The following EIF4E3 variants were observed in gnomAD, a reference collection of about 807,000 sequenced individuals.
EIF4E3 encodes eukaryotic translation initiation factor 4E family member 3.
A neutral mutation model predicts 31.7 loss-of-function variants in EIF4E3; 26 were observed. That is an observed-to-expected ratio of 0.82 (90% CI 0.60 to 1.14). The LOEUF is 1.14. EIF4E3 is among the 50% of genes most tolerant of loss of function. The pLI, the probability that EIF4E3 is intolerant of heterozygous loss-of-function variation, is 0.00. For missense variants in EIF4E3, 304 were observed against 270.9 expected, an observed-to-expected ratio of 1.12 and a Z score of -0.86; for synonymous variants, 128 against 107.7, an observed-to-expected ratio of 1.19 and a Z score of -1.17.
intron 1 of EIF4E3, among the ~76,000 whole-genome samples, chr3:71,720,180 A>G (rs186947369): frequency 6.8e-4 from 104 of 151,856 alleles, no homozygotes; most frequent in African/African-American, 2.4e-3. Flanking sequence ...GTATGTACGT[A>G]CATATGTAAG....
At chr3:71,691,396 C>T (rs2108023945) in intron 5 of EIF4E3, among the ~76,000 whole-genome samples, 1 of 152,270 alleles carries the variant, frequency 6.6e-6, no homozygotes, top group East Asian at 1.9e-4. Context: ...TCCATTCTTC[C>T]CTTCTCTTTC....
At chr3:71,715,653 G>A (rs748640461) in intron 1 of EIF4E3, among the ~76,000 whole-genome samples, 6 of 152,182 alleles carry the variant, frequency 3.9e-5, no homozygotes, top group African/African-American at 7.2e-5. Flanking sequence ...TATACAGCTG[G>A]AGCTGAGAAC....
chr3:71,685,084 G>A (rs996160289), intron 6 of EIF4E3, among the ~76,000 whole-genome samples: 1 of 152,110 alleles, frequency 6.6e-6, no homozygotes, highest in African/African-American at 2.4e-5. Context: ...TGCAGGGGGT[G>A]GGGAGAGGGG....
intron 2 of EIF4E3, among the ~76,000 whole-genome samples, chr3:71,707,301 A>C (rs575082754): frequency 6.6e-6 from 1 of 152,350 alleles, no homozygotes; most frequent in East Asian, 1.9e-4. Context: ...TGTCCAAGCT[A>C]GTAAGTGTCA....
the EIF4E3 span, among the ~76,000 whole-genome samples, chr3:71,669,225 G>C: frequency 4.1e-4 from 61 of 150,300 alleles, no homozygotes; most frequent in African/African-American, 1.5e-3. Flanking sequence ...CACAGGGAGG[G>C]GACTATCACA....
At chr3:71,690,487 G>A (rs570407227) in intron 5 of EIF4E3, among the ~76,000 whole-genome samples, 2 of 152,234 alleles carry the variant, frequency 1.3e-5, no homozygotes, top group Non-Finnish European at 1.5e-5. Flanking sequence ...GTTTTGATGA[G>A]ACTTTTTCTA....
At chr3:71,722,676 T>C (rs1037652913) in intron 1 of EIF4E3, among the ~76,000 whole-genome samples, 10 of 152,232 alleles carry the variant, frequency 6.6e-5, no homozygotes, top group Non-Finnish European at 1.5e-4. Context: ...CTAATAACTT[T>C]ACAGAGGAGT....
intron 2 of EIF4E3, among the ~76,000 whole-genome samples, chr3:71,705,173 T>A (rs1473674797): frequency 6.6e-6 from 1 of 152,142 alleles, no homozygotes; most frequent in East Asian, 1.9e-4. Flanking sequence ...CCATGGGCTG[T>A]CTTGCTGTGT....
chr3:71,692,031 T>A (rs12497233), intron 5 of EIF4E3, among the ~76,000 whole-genome samples: 3,818 of 152,296 alleles, frequency 0.025, 65 homozygotes, highest in Middle Eastern at 0.044. Flanking sequence ...TGCCGAACTG[T>A]CAATATTTCA....
the EIF4E3 span, among the ~76,000 whole-genome samples, chr3:71,670,327 G>A: frequency 6.6e-6 from 1 of 152,158 alleles, no homozygotes; most frequent in Non-Finnish European, 1.5e-5. Context: ...GATAAGGTAG[G>A]TGCCTCTTCG....
chr3:71,686,543 A>AATGT (rs1553659504), intron 6 of EIF4E3, among the ~76,000 whole-genome samples: 17 of 143,600 alleles, frequency 1.2e-4, no homozygotes, highest in African/African-American at 4.3e-4. Flanking sequence ...TTTCACATTG[A>AATGT]GTGTGTGTGT....
chr3:71,660,912 G>C, the EIF4E3 span, among the ~76,000 whole-genome samples: 1 of 152,008 alleles, frequency 6.6e-6, no homozygotes, highest in African/African-American at 2.4e-5. Context: ...ATGAGGGCCT[G>C]GGGCTCTGAA....
upstream of EIF4E3, among the ~76,000 whole-genome samples, chr3:71,726,136 A>T (rs758824483): frequency 3.3e-5 from 5 of 151,102 alleles, no homozygotes; most frequent in Non-Finnish European, 5.9e-5. Flanking sequence ...AAGGGGCCAG[A>T]GCCCCCATCC....
In EIF4E3 at chr3:71,676,517, G is replaced by A. The variant is rs2048876290; in HGVS notation, c.*8165C>T. The A allele has an allele frequency of 6.6e-6, 1 of 152,114 alleles. No individual in the cohort carries two copies. Among genetic ancestry groups the A allele is most frequent in the Non-Finnish European group, 1.5e-5 (1 of 68,024 alleles). The allele number at this position is 152,114 out of a possible 1,614,324, so 9.4% of individuals were successfully genotyped here. ...TCATTTCATAAAACAAAATCAGTGA[G>A]TACATAAGTTATACTTACTGGCTTC... On this transcript the variant is annotated 3_prime_UTR_variant, in exon 7 of 7. Coordinates refer to ENST00000425534, the MANE Select transcript of EIF4E3 (RefSeq NM_001134651.2).
At chr3:71,714,273 A>AAGGAAGGAAGGAAGGAAGGAAG (rs1559602527) in intron 1 of EIF4E3, among the ~76,000 whole-genome samples, 2 of 125,280 alleles carry the variant, frequency 1.6e-5, no homozygotes, top group Non-Finnish European at 3.3e-5. Flanking sequence ...AAGGAAGGAA[A>AAGGAAGGAAGGAAGGAAGGAAG]GAAGGAAGGA....
At chr3:71,729,612 A>T (rs1297440148), upstream of EIF4E3, among the ~76,000 whole-genome samples, 2 of 152,204 alleles carry the variant, frequency 1.3e-5, no homozygotes, top group East Asian at 3.8e-4. Flanking sequence ...TTAAATGAGA[A>T]AATGTATATG....
intron 1 of EIF4E3, among the ~76,000 whole-genome samples, chr3:71,741,465 G>T (rs1416828785): frequency 6.6e-6 from 1 of 152,062 alleles, no homozygotes; most frequent in African/African-American, 2.4e-5. Context: ...TCATCAAGAG[G>T]ATATAATAAT....
chr3:71,664,457 C>T, the EIF4E3 span, among the ~76,000 whole-genome samples: 1 of 152,010 alleles, frequency 6.6e-6, no homozygotes, highest in Non-Finnish European at 1.5e-5. Flanking sequence ...GAATGGGTCA[C>T]TTAAGCCTGG....
intron 1 of EIF4E3, among the ~76,000 whole-genome samples, chr3:71,737,644 G>C (rs2049776694): frequency 6.6e-6 from 1 of 152,094 alleles, no homozygotes; most frequent in Non-Finnish European, 1.5e-5. Flanking sequence ...ATAAGAATTA[G>C]GCTGGGTGTG....
Sources: allele counts gnomAD v4.1 joint callset (sites outside exome capture counted in the v4.1 genomes callset), GRCh38; gene constraint gnomAD v4.1.1; transcripts MANE v1.5; gene names NCBI Gene and HGNC (gene_info 2026-07-23, HGNC 2026-07-21).